Variants in ARHGAP15 observed in about 807,000 individuals in gnomAD.
The protein encoded by ARHGAP15 is Rho GTPase activating protein 15.
In ARHGAP15, 51 loss-of-function variants were observed where a neutral mutation model predicts 63.7. That is an observed-to-expected ratio of 0.80 (90% CI 0.64 to 1.01). The LOEUF is 1.01. ARHGAP15 is among the 50% of genes least tolerant of loss of function. ARHGAP15 has a pLI of 0.00. For missense variants in ARHGAP15, 560 were observed against 564.6 expected, an observed-to-expected ratio of 0.99 and a Z score of 0.08; for synonymous variants, 191 against 193.8, an observed-to-expected ratio of 0.99 and a Z score of 0.12.
intron 2 of ARHGAP15, among the ~76,000 whole-genome samples, chr2:143,170,705 C>T (rs1423898447): frequency 6.6e-6 from 1 of 152,148 alleles, no homozygotes; most frequent in African/African-American, 2.4e-5. Context: ...CTAGTTTTCT[C>T]TGACTGACCT....
chr2:143,520,038 A>G (rs1215760475), intron 10 of ARHGAP15, among the ~76,000 whole-genome samples: 2 of 152,168 alleles, frequency 1.3e-5, no homozygotes. Flanking sequence ...TTTTTCCTGG[A>G]AGATACATAT....
chr2:143,333,766 A>T (rs1684651037), intron 6 of ARHGAP15, among the ~76,000 whole-genome samples: 1 of 152,188 alleles, frequency 6.6e-6, no homozygotes, highest in Non-Finnish European at 1.5e-5. Context: ...GCACAGAAAC[A>T]AGATTCGGGA....
chr2:143,712,936 G>A (rs1684646327), intron 13 of ARHGAP15, among the ~76,000 whole-genome samples: 1 of 152,166 alleles, frequency 6.6e-6, no homozygotes, highest in African/African-American at 2.4e-5. Flanking sequence ...GCTCCAGAAG[G>A]GCAGAAATTT....
At chr2:143,375,337 G>C (rs1366585860) in intron 6 of ARHGAP15, among the ~76,000 whole-genome samples, 1 of 152,040 alleles carries the variant, frequency 6.6e-6, no homozygotes, top group Non-Finnish European at 1.5e-5. Context: ...TTTCTCCCTA[G>C]AGCACTATTA....
chr2:143,226,612 G>A (rs1693223386), intron 4 of ARHGAP15, among the ~76,000 whole-genome samples: 2 of 152,150 alleles, frequency 1.3e-5, no homozygotes, highest in Admixed American at 1.3e-4. Flanking sequence ...GTACCTAAAA[G>A]GCAAAATGGG....
chr2:143,225,381 C>A (rs1190945263), intron 4 of ARHGAP15, among the ~76,000 whole-genome samples: 2 of 152,084 alleles, frequency 1.3e-5, no homozygotes, highest in African/African-American at 4.8e-5. Context: ...GCAGGCGGAT[C>A]ACGAAGTCAG....
chr2:143,218,551 G>A (rs1692862751), intron 4 of ARHGAP15, among the ~76,000 whole-genome samples: 1 of 152,026 alleles, frequency 6.6e-6, no homozygotes, highest in Non-Finnish European at 1.5e-5. Context: ...GTATAGTTGT[G>A]TATGTGTGAA....
intron 2 of ARHGAP15, among the ~76,000 whole-genome samples, chr2:143,198,702 G>A (rs1691986773): frequency 6.6e-6 from 1 of 152,098 alleles, no homozygotes; most frequent in Non-Finnish European, 1.5e-5. Context: ...AAGTGGGTCT[G>A]TATGCCCATA....
intron 1 of ARHGAP15, among the ~76,000 whole-genome samples, chr2:143,134,378 G>A (rs892711954): frequency 2.0e-5 from 3 of 152,134 alleles, no homozygotes; most frequent in Admixed American, 6.5e-5. Flanking sequence ...GCCAAGCTTT[G>A]CAGGTTTTGC....
At chr2:143,134,450 T>C (rs1007697414) in intron 1 of ARHGAP15, among the ~76,000 whole-genome samples, 3 of 152,148 alleles carry the variant, frequency 2.0e-5, no homozygotes, top group South Asian at 2.1e-4. Context: ...ATGGTTAAAA[T>C]TGATCTTCTT....
intron 8 of ARHGAP15, among the ~76,000 whole-genome samples, chr2:143,450,094 T>C (rs1349448730): frequency 6.8e-6 from 1 of 146,248 alleles, no homozygotes; most frequent in Non-Finnish European, 1.5e-5. Flanking sequence ...TGAGGTTTCA[T>C]AATTAATCTT....
intron 12 of ARHGAP15, among the ~76,000 whole-genome samples, chr2:143,633,386 T>C (rs1680150692): frequency 6.6e-6 from 1 of 152,178 alleles, no homozygotes; most frequent in South Asian, 2.1e-4. Flanking sequence ...CTCCTTAATT[T>C]GGCTTAATGA....
intron 6 of ARHGAP15, among the ~76,000 whole-genome samples, chr2:143,412,214 G>C (rs540961100): frequency 6.9e-4 from 105 of 152,294 alleles, no homozygotes; most frequent in African/African-American, 2.2e-3. Context: ...GCTCTATGTC[G>C]TGTTTTTAAG....
intron 6 of ARHGAP15, among the ~76,000 whole-genome samples, chr2:143,355,407 A>C (rs1198843889): frequency 1.3e-5 from 2 of 152,140 alleles, no homozygotes; most frequent in Admixed American, 1.3e-4. Flanking sequence ...GAAGTTATAC[A>C]TTTGCATGAA....
At chr2:143,297,695 G>A (rs902109535) in intron 6 of ARHGAP15, among the ~76,000 whole-genome samples, 3 of 151,908 alleles carry the variant, frequency 2.0e-5, no homozygotes, top group African/African-American at 7.3e-5. Context: ...AAAATTAAAA[G>A]GAAAAGTCTT....
rs56060612 is a variant in ARHGAP15 at position 143,397,369 on chromosome 2, G to C, written c.475-38232G>C. Among the ~76,000 whole-genome samples the C allele has an allele frequency of 5.3e-3, 779 of 147,184 alleles. 2 individuals are homozygous for C. Among genetic ancestry groups the C allele is most frequent in the African/African-American group, 0.019 (720 of 37,922 alleles). ...GTGTATATATATATCTCCAACCTTA[G>C]TTTCATGTGATAAATGTGTGACTAG... On this transcript the variant is annotated intron_variant, in intron 6 of 13. Transcript: ENST00000295095.
chr2:143,623,764 C>T (rs938454138), intron 11 of ARHGAP15, among the ~76,000 whole-genome samples: 5 of 152,248 alleles, frequency 3.3e-5, no homozygotes, highest in South Asian at 2.1e-4. Context: ...TCCCTTGAGC[C>T]GGCCATCATT....
chr2:143,156,689 T>C (rs1690092241), intron 2 of ARHGAP15, among the ~76,000 whole-genome samples: 1 of 152,004 alleles, frequency 6.6e-6, no homozygotes, highest in Non-Finnish European at 1.5e-5. Context: ...TTAATCATTC[T>C]TTCCTCAGGT....
chr2:143,296,294 T>C (rs1256525716), intron 6 of ARHGAP15, among the ~76,000 whole-genome samples: 1 of 151,920 alleles, frequency 6.6e-6, no homozygotes, highest in Non-Finnish European at 1.5e-5. Context: ...CAGCATGAAA[T>C]TGACAAGGAA....
Sources: allele counts gnomAD v4.1 joint callset (sites outside exome capture counted in the v4.1 genomes callset), GRCh38; gene constraint gnomAD v4.1.1; transcripts MANE v1.5; gene names NCBI Gene and HGNC (gene_info 2026-07-23, HGNC 2026-07-21).